DOCK3: variants seen among roughly 807,000 people sequenced by gnomAD.
The protein encoded by DOCK3 is dedicator of cytokinesis protein 3.
DOCK3 carries 60 observed loss-of-function variants against 265.6 expected under a neutral mutation model. The ratio of observed to expected loss-of-function variants is 0.23; its 90% CI spans 0.18 to 0.28. The LOEUF is 0.28. Among genes scored for constraint, DOCK3 ranks in the 10% least tolerant of loss-of-function variants. The probability of loss-of-function intolerance (pLI) is 1.00; values close to 1 mark genes in which losing one functional copy is unlikely to be tolerated. For missense variants in DOCK3, 1,981 were observed against 2,594.3 expected (o/e 0.76, Z 5.14); for synonymous variants, 881 against 938.0 (o/e 0.94, Z 1.11).
chr3:50,937,655 C>T (rs1278259487), intron 5 of DOCK3, among the ~76,000 whole-genome samples: 7 of 151,622 alleles, frequency 4.6e-5, no homozygotes, highest in African/African-American at 9.7e-5. Context: ...GACTCTGTCT[C>T]GAAAAACAAC....
intron 10 of DOCK3, 109 bp from the exon 11 acceptor site, chr3:51,159,135 C>G (rs940764322): frequency 5.1e-6 from 5 of 986,160 alleles, no homozygotes; most frequent in Non-Finnish European, 7.8e-6. Flanking sequence ...TGTAATCTCC[C>G]TTCCCCTGCC....
intron 1 of DOCK3, among the ~76,000 whole-genome samples, chr3:50,727,557 G>T (rs1174399641): frequency 6.6e-6 from 1 of 152,122 alleles, no homozygotes; most frequent in Non-Finnish European, 1.5e-5. Flanking sequence ...AATTAGCTGG[G>T]TGTGGTGGCA....
At chr3:50,763,356 C>T (rs144167962) in intron 1 of DOCK3, among the ~76,000 whole-genome samples, 1 of 152,160 alleles carries the variant, frequency 6.6e-6, no homozygotes, top group Non-Finnish European at 1.5e-5. Flanking sequence ...TACACGGCTC[C>T]CTGCAACTTC....
chr3:51,274,535 G>T (rs1371829728), intron 24 of DOCK3, among the ~76,000 whole-genome samples: 4 of 152,116 alleles, frequency 2.6e-5, no homozygotes, highest in Non-Finnish European at 5.9e-5. Flanking sequence ...CTTAGCATTT[G>T]GGGAGGACAA....
At chr3:51,138,061 G>A (rs2084885614) in intron 9 of DOCK3, among the ~76,000 whole-genome samples, 1 of 152,198 alleles carries the variant, frequency 6.6e-6, no homozygotes, top group African/African-American at 2.4e-5. Flanking sequence ...ACACAAAAGT[G>A]GGTTGTGGGG....
intron 6 of DOCK3, among the ~76,000 whole-genome samples, chr3:51,068,363 A>T: frequency 6.6e-6 from 1 of 151,724 alleles, no homozygotes; most frequent in East Asian, 2.0e-4. Flanking sequence ...ACACGGTGAA[A>T]CCCTGTCTCT....
intron 2 of DOCK3, among the ~76,000 whole-genome samples, chr3:50,828,697 G>A (rs933193176): frequency 4.6e-5 from 7 of 151,604 alleles, no homozygotes; most frequent in Admixed American, 2.6e-4. Flanking sequence ...GAGCCATGGC[G>A]CCCAACCTTT....
intron 5 of DOCK3, among the ~76,000 whole-genome samples, chr3:50,989,372 C>T (rs1028649595): frequency 2.6e-5 from 4 of 152,134 alleles, no homozygotes; most frequent in African/African-American, 9.7e-5. Context: ...TCACGATGTA[C>T]AGCTAGCAGT....
intron 41 of DOCK3, 146 bp downstream of exon 41, chr3:51,355,169 C>T: frequency 1.7e-6 from 2 of 1,196,622 alleles, no homozygotes; most frequent in Non-Finnish European, 2.3e-6. Context: ...CATTGCTTAG[C>T]ACACACTTAG....
At position 50,938,042 on chromosome 3, in the gene DOCK3, T is replaced by C. The variant is rs966324102; in HGVS notation, c.315+3965T>C. On this transcript the variant is annotated intron_variant, in intron 5 of 52. Transcript: ENST00000266037. ...GCTAAAGGTTACAGATAGAAAAATA[T>C]ATACTATGCAAACATTAATAGAAGA... Among the ~76,000 whole-genome samples, 5 of 152,154 alleles carry C rather than the reference T, an allele frequency of 3.3e-5. No individual in the cohort carries two copies. The East Asian group carries it at 9.6e-4, about 29-fold the overall frequency.
intron 5 of DOCK3, among the ~76,000 whole-genome samples, chr3:50,985,828 TTAAA>T (rs1382788422): frequency 1.3e-5 from 2 of 151,538 alleles, no homozygotes; most frequent in African/African-American, 4.8e-5. Flanking sequence ...ATTTATTAAA[TTAAA>T]TTAATTAAAT....
intron 2 of DOCK3, 44 bp downstream of exon 2, chr3:50,778,802 G>A: frequency 7.2e-7 from 1 of 1,389,808 alleles, no homozygotes; most frequent in Non-Finnish European, 1.0e-6. Flanking sequence ...ATCATTTTTG[G>A]CAGTATTATA....
chr3:50,761,176 A>G (rs35140911), intron 1 of DOCK3, among the ~76,000 whole-genome samples: 14,344 of 151,750 alleles, frequency 0.095, 836 homozygotes, highest in Non-Finnish European at 0.12. Flanking sequence ...TACTTTTATT[A>G]TTTTTTAAAA....
Position 51,184,138 on chromosome 3 carries a change from C to T in DOCK3, c.1037+23436C>T, listed in dbSNP as rs186244867. Reference sequence around the variant, plus strand: ...CAGCCTGGCCAACATGGCAAAACCCCGTCTCCACTAAAAATAACAAAAATT... The same window carrying T: ...CAGCCTGGCCAACATGGCAAAACCCTGTCTCCACTAAAAATAACAAAAATT... On this transcript the variant is annotated intron_variant, in intron 12 of 52. Transcript: ENST00000266037. Among the ~76,000 whole-genome samples the T allele has an allele frequency of 3.9e-5, 6 of 152,084 alleles. No homozygotes were observed. In the East Asian group the frequency reaches 7.7e-4, roughly 20 times the overall value.
Position 51,361,870 on chromosome 3 carries a change from T to G in DOCK3, c.5018T>G (p.Leu1673Trp). The change falls in exon 48 of 53, where the codon TTG becomes TGG. Residue 1673 changes from leucine to tryptophan, a missense_variant. Leu to Trp is a moderately conservative substitution (Grantham distance 61). Transcript: ENST00000266037. This position sits in a 1 kb window ranked among gnomAD's most constrained non-coding sequence, Gnocchi z 4.2. Reference protein sequence around the residue: ...KMTHRHSPMNLMGTGRHSSSS... With the variant: ...KMTHRHSPMNWMGTGRHSSSS... ...ACTCTTGCTCACAGCCCCATGAACT[T>G]GATGGGCACAGGCCGCCATTCATCA... 6.2e-7 allele frequency: 1 copy of G among 1,613,124 alleles called. No individual in the cohort carries two copies.
rs903178202 is a variant in DOCK3, at chr3:50,801,407, C to T, written c.121+22649C>T. ...GTAATTGGAATGAGTCAGGGTGGAG[C>T]AGATAATTGGAATGAGTCAGGGTGG... On this transcript the variant is annotated intron_variant, in intron 2 of 52. Coordinates refer to ENST00000266037, the MANE Select transcript of DOCK3 (RefSeq NM_004947.5). Among the ~76,000 whole-genome samples the T allele has an allele frequency of 3.8e-4, 57 of 151,912 alleles. 1 individual carries two copies. The highest frequency in any genetic ancestry group is 3.3e-3 in the Admixed American group (51 of 15,250).
chr3:51,121,440 C>T (rs2084013960), intron 9 of DOCK3, among the ~76,000 whole-genome samples: 4 of 152,160 alleles, frequency 2.6e-5, no homozygotes, highest in African/African-American at 9.7e-5. Context: ...CCTATTCAGC[C>T]ACCTTGCCCA....
intron 2 of DOCK3, among the ~76,000 whole-genome samples, chr3:50,825,195 T>C (rs1358923220): frequency 6.6e-6 from 1 of 152,210 alleles, no homozygotes; most frequent in Non-Finnish European, 1.5e-5. Flanking sequence ...AATATCTGCA[T>C]TTAATTTTGC....
At chr3:51,125,548 TAAAC>T (rs1297887361) in intron 9 of DOCK3, among the ~76,000 whole-genome samples, 5 of 152,154 alleles carry the variant, frequency 3.3e-5, no homozygotes, top group Admixed American at 1.3e-4. Flanking sequence ...AATATCATAT[TAAAC>T]AAGCAAGACT....
Sources: allele counts gnomAD v4.1 joint callset (sites outside exome capture counted in the v4.1 genomes callset), GRCh38; gene constraint gnomAD v4.1.1; non-coding constraint Gnocchi (gnomAD v3.1); transcripts MANE v1.5; gene names NCBI Gene and HGNC (gene_info 2026-07-23, HGNC 2026-07-21).